Variants in SPRY3 observed in about 807,000 individuals in gnomAD.
The protein encoded by SPRY3 is sprouty RTK signaling antagonist 3.
Under a neutral mutation model 20.2 loss-of-function variants are expected in SPRY3, and 15 were observed. That is an observed-to-expected ratio of 0.74 (90% CI 0.50 to 1.14). SPRY3 has a LOEUF of 1.14. SPRY3 is among the 50% of genes most tolerant of loss of function. The pLI is 0.00. For synonymous variants in SPRY3, 143 were observed against 136.5 expected (o/e 1.05, Z -0.33); for missense variants, 364 against 363.9 (o/e 1.00, Z 0.00).
At chrX:155,717,380 C>T (rs954148705) in intron 2 of SPRY3, among the ~76,000 whole-genome samples, 13 of 151,872 alleles carry the variant, frequency 8.6e-5, no homozygotes, top group Admixed American at 3.9e-4. Flanking sequence ...GTAGGTCATC[C>T]CTCTTGTTTA....
intron 2 of SPRY3, among the ~76,000 whole-genome samples, chrX:155,714,727 CA>C (rs1169786883): frequency 6.6e-6 from 1 of 151,978 alleles, no homozygotes; most frequent in Non-Finnish European, 1.5e-5. Flanking sequence ...GGATTGGAGT[CA>C]AAAAATGTAG....
chrX:155,649,855 T>TGC (rs2067970613), intron 1 of SPRY3, among the ~76,000 whole-genome samples: 1 of 111,559 alleles, frequency 9.0e-6, no homozygotes, highest in African/African-American at 3.3e-5. Context: ...GACATGACTT[T>TGC]ATATTTAGAA....
chrX:155,673,677 T>TCA (rs2068051058), intron 2 of SPRY3, among the ~76,000 whole-genome samples: 1 of 112,219 alleles, frequency 8.9e-6, no homozygotes, highest in African/African-American at 3.2e-5. Flanking sequence ...TCCTTGGAAT[T>TCA]TTTCTATTTA....
rs782769665 is a variant in SPRY3, at chrX:155,672,973, C to T, written c.-282+15948C>T. ...AGTAAACTATCGCAAGGACAAAAAACCAAACACCGCATGTTCTCACTCATA... is the reference window on the plus strand; with the variant it reads ...AGTAAACTATCGCAAGGACAAAAAATCAAACACCGCATGTTCTCACTCATA... On this transcript the variant is annotated intron_variant, in intron 2 of 3. Transcript: ENST00000675360. Among the ~76,000 whole-genome samples the T allele has an allele frequency of 3.4e-3, 335 of 99,811 alleles. 2 individuals are homozygous for T. The highest frequency in any genetic ancestry group is 0.012 in the African/African-American group (317 of 27,407). The allele number at this position is 99,811 out of a possible 115,157, so 86.7% of individuals were successfully genotyped here. A position where few individuals can be genotyped will look rare whatever the true frequency, so the allele number is the denominator to read the frequency against.
chrX:155,698,425 T>A (rs1477322729), intron 2 of SPRY3, among the ~76,000 whole-genome samples: 1 of 111,899 alleles, frequency 8.9e-6, no homozygotes, highest in African/African-American at 3.2e-5. Flanking sequence ...AGTTCTTCCT[T>A]CTTTGCTGTA....
chrX:155,774,119 G>C (rs1023909456), exon 4 of SPRY3: 1 of 1,613,858 alleles, frequency 6.2e-7, no homozygotes, highest in South Asian at 1.1e-5. Flanking sequence ...AGCCAATCTA[G>C]CATTGCCAGC....
intron 2 of SPRY3, among the ~76,000 whole-genome samples, chrX:155,687,163 C>T (rs2068090020): frequency 8.9e-6 from 1 of 112,565 alleles, no homozygotes; most frequent in Non-Finnish European, 1.9e-5. Flanking sequence ...ATTATTATTC[C>T]ACCTGTGCAA....
intron 2 of SPRY3, among the ~76,000 whole-genome samples, chrX:155,694,896 T>A (rs141848012): frequency 0.016 from 1,838 of 111,437 alleles, 101 homozygotes; most frequent in Admixed American, 0.14. Flanking sequence ...CTTCACTCAC[T>A]TGCCTGCCGG....
intron 2 of SPRY3, among the ~76,000 whole-genome samples, chrX:155,715,979 C>T (rs765574341): frequency 6.6e-6 from 1 of 152,278 alleles, no homozygotes; most frequent in South Asian, 2.1e-4. Flanking sequence ...GACTGTCTCT[C>T]TTGCCCTCCT....
Position 155,692,045 on chromosome X carries a change from A to G in SPRY3, c.-282+35020A>G, listed in dbSNP as rs749017110. On this transcript the variant is annotated intron_variant, in intron 2 of 3. Transcript: ENST00000675360. ...AGTGAAATAAGCCAGGCTCAGAAAG[A>G]TAACTATTACATATTCTTACTCATA... Among the ~76,000 whole-genome samples the G allele has an allele frequency of 1.2e-4, 7 of 58,024 alleles. No homozygotes were observed. The South Asian group carries it at 4.0e-3, about 33-fold the overall frequency. The allele number at this position is 58,024 out of a possible 115,157, so 50.4% of individuals were successfully genotyped here.
intron 1 of SPRY3, among the ~76,000 whole-genome samples, chrX:155,621,382 C>T (rs782443607): frequency 1.2e-4 from 13 of 111,033 alleles, no homozygotes; most frequent in African/African-American, 3.9e-4. Context: ...ACATTTTTTC[C>T]AGTCTTACTG....
chrX:155,675,388 G>T (rs782639850), intron 2 of SPRY3, among the ~76,000 whole-genome samples: 1 of 111,381 alleles, frequency 9.0e-6, no homozygotes, highest in Non-Finnish European at 1.9e-5. Flanking sequence ...GAATGTTTGG[G>T]GGGTCATATA....
chrX:155,688,281 C>T (rs1603136332), intron 2 of SPRY3, among the ~76,000 whole-genome samples: 1 of 110,823 alleles, frequency 9.0e-6, no homozygotes, highest in Non-Finnish European at 1.9e-5. Context: ...TATCCAGTCC[C>T]TCATTGATGG....
intron 2 of SPRY3, among the ~76,000 whole-genome samples, chrX:155,685,195 T>A (rs185414638): frequency 8.9e-5 from 10 of 111,787 alleles, no homozygotes; most frequent in African/African-American, 3.2e-4. Context: ...AGCACTTTCT[T>A]ATCTCCTTCT....
intron 1 of SPRY3, among the ~76,000 whole-genome samples, chrX:155,618,805 C>T (rs1569562356): frequency 9.0e-6 from 1 of 111,617 alleles, no homozygotes; most frequent in Non-Finnish European, 1.9e-5. Flanking sequence ...TGATATTGAA[C>T]ATATTTTCAT....
intron 1 of SPRY3, among the ~76,000 whole-genome samples, chrX:155,653,582 A>G (rs1205231350): frequency 8.9e-6 from 1 of 111,737 alleles, no homozygotes; most frequent in African/African-American, 3.2e-5. Context: ...TGGATTCTCA[A>G]TTCCATTTCA....
chrX:155,723,877 G>C (rs1396746797), intron 2 of SPRY3, among the ~76,000 whole-genome samples: 1 of 152,166 alleles, frequency 6.6e-6, no homozygotes, highest in African/African-American at 2.4e-5. Flanking sequence ...GTCCTGAATG[G>C]TATTGCCTAG....
chrX:155,632,247 GCA>G (rs1234920885), intron 1 of SPRY3, among the ~76,000 whole-genome samples: 1 of 40,100 alleles, frequency 2.5e-5, no homozygotes. Context: ...ACACACACAC[GCA>G]CACACACACT....
chrX:155,641,025 G>C (rs2067938582), intron 1 of SPRY3, among the ~76,000 whole-genome samples: 1 of 111,558 alleles, frequency 9.0e-6, no homozygotes, highest in Non-Finnish European at 1.9e-5. Flanking sequence ...AAGGCTTTCA[G>C]TTTTACCCAT....
Sources: gnomAD v4.1 joint callset for allele counts (sites outside exome capture counted in the v4.1 genomes callset) on GRCh38, gnomAD v4.1.1 for gene constraint, MANE v1.5 for transcripts, NCBI Gene and HGNC (gene_info 2026-07-23, HGNC 2026-07-21) for gene names.